The following IKZF2 variants were observed in gnomAD, a reference collection of about 807,000 sequenced individuals.
IKZF2 encodes the protein IKAROS family zinc finger 2, also known as zinc finger protein Helios.
A neutral mutation model predicts 49.2 loss-of-function variants in IKZF2; 15 were observed. The ratio of observed to expected loss-of-function variants is 0.30; its 90% CI spans 0.20 to 0.47. The LOEUF (loss-of-function observed/expected upper bound fraction) is 0.47. Ranked by LOEUF, IKZF2 falls within the 20% of genes least tolerant of loss-of-function variation. IKZF2 has a pLI of 1.00. For synonymous variants in IKZF2, 227 were observed against 221.4 expected (o/e 1.03, Z -0.23); for missense variants, 567 against 664.6 (o/e 0.85, Z 1.61).
At chr2:213,071,011 T>A (rs2125487667) in intron 4 of IKZF2, among the ~76,000 whole-genome samples, 1 of 152,226 alleles carries the variant, frequency 6.6e-6, no homozygotes, top group East Asian at 1.9e-4. Context: ...AGCCATTTAA[T>A]TACCAAACAA....
At chr2:213,022,811 A>C (rs1200096065) in intron 6 of IKZF2, among the ~76,000 whole-genome samples, 1 of 152,222 alleles carries the variant, frequency 6.6e-6, no homozygotes, top group Non-Finnish European at 1.5e-5. Flanking sequence ...ATGTAGTTAC[A>C]AAATGACAGT....
chr2:213,008,270 T>C (rs1695569734), intron 8 of IKZF2, among the ~76,000 whole-genome samples, 186 bp from the exon 9 acceptor site: 1 of 152,026 alleles, frequency 6.6e-6, no homozygotes, highest in African/African-American at 2.4e-5. Context: ...ATTTTTTTTT[T>C]TTTTGAGACA....
At chr2:213,038,013 TAAAA>T (rs3069569) in intron 6 of IKZF2, among the ~76,000 whole-genome samples, 3 of 148,104 alleles carry the variant, frequency 2.0e-5, no homozygotes, top group Middle Eastern at 3.2e-3. Flanking sequence ...TTTCTATCCT[TAAAA>T]AAAAAAAAAA....
At chr2:213,096,983 C>T (rs1003559298) in intron 4 of IKZF2, among the ~76,000 whole-genome samples, 5 of 151,698 alleles carry the variant, frequency 3.3e-5, no homozygotes, top group Middle Eastern at 3.4e-3. Context: ...AAATTTGTCG[C>T]GTTAATTATT....
At position 213,103,186 on chromosome 2, in the gene IKZF2, G is replaced by T. The variant is rs190017064; in HGVS notation, c.139+44522C>A. Among the ~76,000 whole-genome samples the T allele has an allele frequency of 1.4e-3, 213 of 152,188 alleles. 1 individual carries two copies. Among genetic ancestry groups the T allele is most frequent in the Non-Finnish European group, 2.6e-4 (18 of 67,990 alleles). ...CAGAGATATTAATTTATTCATACAA[G>T]GTCACTCAGTCAGTAGCTAGTTATT... On this transcript the variant is annotated intron_variant, in intron 4 of 8. Coordinates refer to ENST00000434687, the MANE Select transcript of IKZF2 (RefSeq NM_001387220.1).
At chr2:213,117,206 C>T (rs1468063921) in intron 4 of IKZF2, among the ~76,000 whole-genome samples, 1 of 152,128 alleles carries the variant, frequency 6.6e-6, no homozygotes, top group Non-Finnish European at 1.5e-5. Flanking sequence ...TTCAACACTG[C>T]CTCTCCAACA....
chr2:213,094,679 C>G (rs558734454), intron 4 of IKZF2, among the ~76,000 whole-genome samples: 1 of 152,238 alleles, frequency 6.6e-6, no homozygotes, highest in African/African-American at 2.4e-5. Flanking sequence ...AAGTCTCTTT[C>G]TCAAACCTGT....
intron 4 of IKZF2, among the ~76,000 whole-genome samples, chr2:213,064,937 C>A (rs989898672): frequency 6.6e-6 from 1 of 152,034 alleles, no homozygotes; most frequent in Non-Finnish European, 1.5e-5. Flanking sequence ...TAAATGTCTT[C>A]AAGAACTGCC....
intron 4 of IKZF2, chr2:213,097,786 T>C (rs1030642009): frequency 1.8e-5 from 3 of 166,648 alleles, no homozygotes; most frequent in Non-Finnish European, 4.0e-5. Context: ...TCTATCAATA[T>C]GTACTTGTTG....
chr2:213,106,630 G>T (rs1026930869), intron 4 of IKZF2, among the ~76,000 whole-genome samples: 21 of 144,444 alleles, frequency 1.5e-4, no homozygotes, highest in African/African-American at 5.0e-4. Flanking sequence ...ACAGAGTGAG[G>T]GAAACCCTGT....
intron 4 of IKZF2, among the ~76,000 whole-genome samples, chr2:213,061,154 T>C (rs1338886705): frequency 6.6e-6 from 1 of 151,524 alleles, no homozygotes; most frequent in Non-Finnish European, 1.5e-5. Context: ...TTAAAGTGAA[T>C]TTCAAGCCAA....
At chr2:213,146,071 T>C (rs2125981527) in intron 4 of IKZF2, among the ~76,000 whole-genome samples, 1 of 152,212 alleles carries the variant, frequency 6.6e-6, no homozygotes, top group South Asian at 2.1e-4. Context: ...TGGTTGTGTC[T>C]AGGGGATGAC....
At chr2:213,114,146 G>C (rs1254599246) in intron 4 of IKZF2, among the ~76,000 whole-genome samples, 1 of 151,994 alleles carries the variant, frequency 6.6e-6, no homozygotes, top group Non-Finnish European at 1.5e-5. Context: ...ATTTGCTAAG[G>C]ATAATAGGTT....
At chr2:213,062,828 A>C (rs1320589493) in intron 4 of IKZF2, among the ~76,000 whole-genome samples, 1 of 151,972 alleles carries the variant, frequency 6.6e-6, no homozygotes, top group Non-Finnish European at 1.5e-5. Context: ...AAACTTTCTA[A>C]ACAGAAACAC....
At chr2:213,059,833 A>T (rs1321371418) in intron 4 of IKZF2, among the ~76,000 whole-genome samples, 1 of 151,490 alleles carries the variant, frequency 6.6e-6, no homozygotes, top group Admixed American at 6.6e-5. Context: ...AGAACTTTTT[A>T]TCTATAGAAG....
chr2:213,013,321 C>T (rs981081025), intron 8 of IKZF2, among the ~76,000 whole-genome samples: 1 of 151,598 alleles, frequency 6.6e-6, no homozygotes, highest in African/African-American at 2.4e-5. Context: ...CAGACCTTGG[C>T]GATGACCTTG....
chr2:213,124,298 A>G (rs1163277687), intron 4 of IKZF2, among the ~76,000 whole-genome samples: 3 of 138,760 alleles, frequency 2.2e-5, no homozygotes, highest in African/African-American at 5.3e-5. Flanking sequence ...ACACACACAC[A>G]GCCACACAAA....
At chr2:213,146,766 G>GC (rs950027198) in intron 4 of IKZF2, among the ~76,000 whole-genome samples, 1 of 124,444 alleles carries the variant, frequency 8.0e-6, no homozygotes, top group Non-Finnish European at 1.8e-5. Flanking sequence ...CTTCGGGGGG[G>GC]GGGAAGGAAA....
At chr2:213,088,690 G>C (rs564000579) in intron 4 of IKZF2, among the ~76,000 whole-genome samples, 2 of 152,056 alleles carry the variant, frequency 1.3e-5, no homozygotes, top group Non-Finnish European at 2.9e-5. Flanking sequence ...CCCAGAAGGC[G>C]GAGGTTGCAG....
Sources: allele counts gnomAD v4.1 joint callset (sites outside exome capture counted in the v4.1 genomes callset), GRCh38; gene constraint gnomAD v4.1.1; transcripts MANE v1.5; gene names NCBI Gene and HGNC (gene_info 2026-07-23, HGNC 2026-07-21).